The following GALM variants were observed in gnomAD, a reference collection of about 807,000 sequenced individuals.
The protein encoded by GALM is galactose mutarotase, also known as aldose 1-epimerase.
Under a neutral mutation model 37.4 loss-of-function variants are expected in GALM, and 43 were observed. The observed-to-expected ratio is 1.15, with a 90% CI of 0.90 to 1.48. The LOEUF (loss-of-function observed/expected upper bound fraction) is 1.48. Ranked by LOEUF, GALM falls within the 40% of genes most tolerant of loss-of-function variation. The probability of loss-of-function intolerance (pLI) is 0.00; values close to 1 mark genes in which losing one functional copy is unlikely to be tolerated. For synonymous variants in GALM, 199 were observed against 170.6 expected, an observed-to-expected ratio of 1.17 and a Z score of -1.30; for missense variants, 456 against 419.1, an observed-to-expected ratio of 1.09 and a Z score of -0.77.
chr2:38,667,818 C>T (rs12712609), intron 1 of GALM, among the ~76,000 whole-genome samples: 36,293 of 152,006 alleles, frequency 0.24, 6,443 homozygotes, highest in African/African-American at 0.49. Context: ...GCCTGGGCGA[C>T]AGAGTGAGAC....
At chr2:38,668,006 A>G (rs942817542) in intron 1 of GALM, among the ~76,000 whole-genome samples, 1 of 151,988 alleles carries the variant, frequency 6.6e-6, no homozygotes, top group African/African-American at 2.4e-5. Flanking sequence ...GAGTTTCCCC[A>G]CTCACTCTAT....
intron 4 of GALM, among the ~76,000 whole-genome samples, chr2:38,710,396 C>T (rs1666125395): frequency 6.6e-6 from 1 of 152,192 alleles, no homozygotes; most frequent in African/African-American, 2.4e-5. Context: ...CTTGGGTCAA[C>T]ATGTCAAAAA....
chr2:38,699,197 A>C (rs1396170091), intron 4 of GALM, among the ~76,000 whole-genome samples: 1 of 152,210 alleles, frequency 6.6e-6, no homozygotes, highest in African/African-American at 2.4e-5. Flanking sequence ...TACAGGCATG[A>C]GCCACCGTAC....
intron 1 of GALM, among the ~76,000 whole-genome samples, 198 bp from the exon 2 acceptor site, chr2:38,675,714 G>A (rs963582856): frequency 2.6e-5 from 4 of 151,428 alleles, no homozygotes; most frequent in Admixed American, 6.6e-5. Context: ...GACTACAGGC[G>A]CCGGCCACCA....
At chr2:38,726,451 C>T (rs1342998814) in intron 4 of GALM, among the ~76,000 whole-genome samples, 1 of 151,638 alleles carries the variant, frequency 6.6e-6, no homozygotes, top group Non-Finnish European at 1.5e-5. Context: ...TGGTCTCGAT[C>T]TCCTGACCTC....
At chr2:38,720,039 TA>T (rs1017887331) in intron 4 of GALM, among the ~76,000 whole-genome samples, 8 of 151,166 alleles carry the variant, frequency 5.3e-5, no homozygotes, top group Non-Finnish European at 1.2e-4. Flanking sequence ...CCGTCTCTAC[TA>T]AAAAAAATAA....
intron 1 of GALM, among the ~76,000 whole-genome samples, 167 bp from the exon 2 acceptor site, chr2:38,675,745 A>G (rs1665244772): frequency 6.6e-6 from 1 of 151,104 alleles, no homozygotes; most frequent in Non-Finnish European, 1.5e-5. Flanking sequence ...ATTTTTTTGT[A>G]TTTTTAGTAG....
intron 3 of GALM, among the ~76,000 whole-genome samples, chr2:38,682,042 T>C (rs1665409981): frequency 1.3e-5 from 2 of 152,232 alleles, no homozygotes; most frequent in South Asian, 2.1e-4. Context: ...CTCAATTTCA[T>C]AGTAATAACA....
At chr2:38,716,713 G>A (rs1465361141) in intron 4 of GALM, among the ~76,000 whole-genome samples, 1 of 152,190 alleles carries the variant, frequency 6.6e-6, no homozygotes, top group Non-Finnish European at 1.5e-5. Flanking sequence ...GCACAGTGGT[G>A]TGTGCTTGTA....
intron 4 of GALM, among the ~76,000 whole-genome samples, chr2:38,712,937 C>A (rs1666199599): frequency 3.9e-5 from 6 of 152,198 alleles, no homozygotes; most frequent in Admixed American, 2.6e-4. Context: ...GGACTGATTT[C>A]TCCCCTCTCT....
intron 4 of GALM, among the ~76,000 whole-genome samples, chr2:38,712,706 G>T (rs184467471): frequency 2.0e-5 from 3 of 152,304 alleles, no homozygotes; most frequent in African/African-American, 7.2e-5. Context: ...CTAAACCATA[G>T]GTGACTGAGC....
At chr2:38,688,122 G>A (rs1665586055) in intron 3 of GALM, among the ~76,000 whole-genome samples, 1 of 151,860 alleles carries the variant, frequency 6.6e-6, no homozygotes, top group African/African-American at 2.4e-5. Context: ...TGAAGCAGGA[G>A]AATTGCTTGA....
intron 4 of GALM, among the ~76,000 whole-genome samples, chr2:38,722,309 C>A (rs1000623496): frequency 9.2e-5 from 14 of 152,152 alleles, no homozygotes; most frequent in African/African-American, 3.4e-4. Context: ...ACCCCCTACA[C>A]CCTCCACAGC....
At chr2:38,675,396 T>G (rs1214519381) in intron 1 of GALM, among the ~76,000 whole-genome samples, 1 of 152,142 alleles carries the variant, frequency 6.6e-6, no homozygotes, top group Non-Finnish European at 1.5e-5. Flanking sequence ...AAGGATCGTA[T>G]GTAATGAAAG....
At chr2:38,716,572 A>C (rs1666273668) in intron 4 of GALM, among the ~76,000 whole-genome samples, 1 of 152,200 alleles carries the variant, frequency 6.6e-6, no homozygotes, top group African/African-American at 2.4e-5. Flanking sequence ...TGTGCATTTT[A>C]CTGGAGAGAG....
rs397763621 is a variant in GALM, at chr2:38,734,706, A to AAAG, written c.*1141_*1142insAAG. 2 of 151,480 alleles carry AAAG rather than the reference A, an allele frequency of 1.3e-5. No individual in the cohort carries two copies. Among genetic ancestry groups the AAAG allele is most frequent in the African/African-American group, 4.9e-5 (2 of 41,192 alleles). The allele number at this position is 151,480 out of a possible 1,614,324, so 9.4% of individuals were successfully genotyped here. A position where few individuals can be genotyped will look rare whatever the true frequency, so the allele number is the denominator to read the frequency against. On this transcript the variant is annotated 3_prime_UTR_variant, in exon 7 of 7. Coordinates refer to ENST00000272252, the MANE Select transcript of GALM (RefSeq NM_138801.3). ...GGTGATTTTGAAAAAAAAAAAAAAAAGTATGTTATACTAGTGTATGCTGTA... is the reference window on the plus strand; with the variant it reads ...GGTGATTTTGAAAAAAAAAAAAAAAAAAGGTATGTTATACTAGTGTATGCTGTA...
chr2:38,694,342 C>T (rs1665752563), intron 4 of GALM, among the ~76,000 whole-genome samples: 1 of 152,208 alleles, frequency 6.6e-6, no homozygotes, highest in Non-Finnish European at 1.5e-5. Flanking sequence ...CTTTTGCCAG[C>T]TGTCAATCCT....
intron 4 of GALM, among the ~76,000 whole-genome samples, chr2:38,702,491 T>C (rs1260118754): frequency 6.6e-6 from 1 of 152,018 alleles, no homozygotes; most frequent in Non-Finnish European, 1.5e-5. Context: ...CAATAACCTC[T>C]TCTTTGCTAC....
At chr2:38,716,845 C>A (rs1181544822) in intron 4 of GALM, among the ~76,000 whole-genome samples, 1 of 152,062 alleles carries the variant, frequency 6.6e-6, no homozygotes, top group Non-Finnish European at 1.5e-5. Context: ...ACATAAGAGA[C>A]CCTGACTCTA....
Sources: allele counts gnomAD v4.1 joint callset (sites outside exome capture counted in the v4.1 genomes callset), GRCh38; gene constraint gnomAD v4.1.1; transcripts MANE v1.5; gene names NCBI Gene and HGNC (gene_info 2026-07-23, HGNC 2026-07-21).